The following ADAM22 variants were observed in gnomAD, a reference collection of about 807,000 sequenced individuals.
The protein encoded by ADAM22 is ADAM metallopeptidase domain 22.
ADAM22 carries 65 observed loss-of-function variants against 144.6 expected under a neutral mutation model. That is an observed-to-expected ratio of 0.45 (90% CI 0.37 to 0.55). ADAM22 has a LOEUF of 0.55. Among genes scored for constraint, ADAM22 ranks in the 20% least tolerant of loss-of-function variants. The probability of loss-of-function intolerance (pLI) is 0.00; values close to 1 mark genes in which losing one functional copy is unlikely to be tolerated. For missense variants in ADAM22, 974 were observed against 1,184.9 expected (o/e 0.82, Z 2.61); for synonymous variants, 391 against 412.6 (o/e 0.95, Z 0.63).
Position 88,132,965 on chromosome 7 carries a change from TC to T in ADAM22, c.1077+15del, listed in dbSNP as rs1206144563. ...GGCGTGAATGAAGTAGGTGTGAACA[TC>T]TGTACAATACAAAGTGGTATGATGG... On this transcript the variant is annotated intron_variant, in intron 12 of 31. Transcript: ENST00000413139. 2 of 1,611,938 alleles carry T rather than the reference TC, an allele frequency of 1.2e-6. No homozygotes were observed. Among genetic ancestry groups the T allele is most frequent in the Admixed American group, 3.3e-5 (2 of 59,998 alleles).
intron 2 of ADAM22, among the ~76,000 whole-genome samples, chr7:87,935,398 G>T (rs1022285544): frequency 6.6e-6 from 1 of 152,228 alleles, no homozygotes; most frequent in Admixed American, 6.5e-5. Context: ...GGCTTTGCCC[G>T]AGGGGAGTTT....
chr7:88,142,603 C>T (rs1168926074), intron 14 of ADAM22, among the ~76,000 whole-genome samples: 1 of 152,126 alleles, frequency 6.6e-6, no homozygotes, highest in Non-Finnish European at 1.5e-5. Context: ...CTTTGGGAGG[C>T]CGAGGCGGGC....
At chr7:87,941,872 A>C (rs933547241) in intron 2 of ADAM22, among the ~76,000 whole-genome samples, 1 of 152,342 alleles carries the variant, frequency 6.6e-6, no homozygotes, top group Middle Eastern at 3.4e-3. Context: ...GTTGATAAAA[A>C]ATGTTCCTAT....
chr7:87,963,270 T>C (rs969404560), intron 2 of ADAM22, among the ~76,000 whole-genome samples: 3 of 152,046 alleles, frequency 2.0e-5, no homozygotes, highest in Non-Finnish European at 4.4e-5. Context: ...CAGTCATGAG[T>C]CTTTGCCAGG....
In ADAM22 at chr7:88,196,620, G is replaced by A. The variant is rs780415754; in HGVS notation, c.*129G>A. The A allele has an allele frequency of 3.0e-5, 31 of 1,026,028 alleles. No individual in the cohort carries two copies. Among genetic ancestry groups the A allele is most frequent in the Non-Finnish European group, 4.3e-5 (29 of 672,164 alleles). 63.6% of individuals were successfully genotyped at this position (1,026,028 alleles called of 1,614,324 possible). ...CGAAGACCCTCTGAGATGCTACAGA[G>A]GAGAGGAAGCGGAGTTTCACATCTG... On this transcript the variant is annotated 3_prime_UTR_variant, in exon 32 of 32. Coordinates refer to ENST00000413139, the MANE Select transcript of ADAM22 (RefSeq NM_001324418.2).
chr7:88,007,604 A>G (rs1794261000), intron 3 of ADAM22, among the ~76,000 whole-genome samples: 1 of 152,214 alleles, frequency 6.6e-6, no homozygotes, highest in Non-Finnish European at 1.5e-5. Flanking sequence ...GCATATCTAC[A>G]ACTATCTGAT....
chr7:88,185,381 A>C lies in ADAM22; in HGVS notation c.2664-1234A>C, dbSNP rs530328446. Among the ~76,000 whole-genome samples the C allele has an allele frequency of 1.6e-3, 243 of 152,308 alleles. 1 individual carries two copies. Among genetic ancestry groups the C allele is most frequent in the Non-Finnish European group, 3.0e-3 (207 of 68,022 alleles). On this transcript the variant is annotated intron_variant, in intron 29 of 31. Coordinates refer to ENST00000413139, the MANE Select transcript of ADAM22 (RefSeq NM_001324418.2). ...AAAAATAACCTGATATTTTTATATA[A>C]TTGGAAATGTAGTCTTCCATGTTTA... is the stretch of plus-strand genomic sequence containing the variant.
chr7:88,163,695 A>G (rs1842296974), intron 23 of ADAM22, among the ~76,000 whole-genome samples: 1 of 152,108 alleles, frequency 6.6e-6, no homozygotes, highest in Admixed American at 6.6e-5. Context: ...GTAGAAAAAA[A>G]CGGCATTTGA....
At chr7:87,942,230 C>A (rs908110560) in intron 2 of ADAM22, among the ~76,000 whole-genome samples, 3 of 152,106 alleles carry the variant, frequency 2.0e-5, no homozygotes, top group African/African-American at 7.2e-5. Flanking sequence ...TTAATAGTGT[C>A]ACTATATATG....
chr7:88,151,206 T>C lies in ADAM22; in HGVS notation c.1618-51T>C, dbSNP rs191223946. 62 of 1,607,836 alleles carry C rather than the reference T, an allele frequency of 3.9e-5. No individual in the cohort carries two copies. In the East Asian group the frequency reaches 1.3e-3, roughly 34 times the overall value. On this transcript the variant is annotated intron_variant, in intron 19 of 31. Coordinates refer to ENST00000413139, the MANE Select transcript of ADAM22 (RefSeq NM_001324418.2). ...AATCATAGTTTCTTTTTCAGTTATC[T>C]GACATAAGCAGATATTGCATCGCTA...
chr7:88,131,542 A>G lies in ADAM22; in HGVS notation c.992+107A>G. 1.8e-6 allele frequency: 2 copies of G among 1,118,572 alleles called. 1 individual carries two copies. Among genetic ancestry groups the G allele is most frequent in the South Asian group, 3.1e-5 (2 of 63,908 alleles). 69.3% of individuals were successfully genotyped at this position (1,118,572 alleles called of 1,614,324 possible). ...CTACATAACACAATTAGGATTTGAC[A>G]TGGCAGATGGCAGATAGATTTGGAA... On this transcript the variant is annotated intron_variant, in intron 11 of 31. Transcript: ENST00000413139.
chr7:88,032,516 C>T (rs886289181), intron 3 of ADAM22, among the ~76,000 whole-genome samples: 1 of 152,120 alleles, frequency 6.6e-6, no homozygotes, highest in African/African-American at 2.4e-5. Context: ...GTGGAAAGGA[C>T]CTGCCTTGTC....
chr7:87,947,176 A>G (rs945825621), intron 2 of ADAM22, among the ~76,000 whole-genome samples: 1 of 152,150 alleles, frequency 6.6e-6, no homozygotes, highest in Non-Finnish European at 1.5e-5. Context: ...AATGTAACAA[A>G]CCTGCACATG....
At chr7:87,956,039 C>T (rs1846635225) in intron 2 of ADAM22, among the ~76,000 whole-genome samples, 1 of 152,180 alleles carries the variant, frequency 6.6e-6, no homozygotes, top group African/African-American at 2.4e-5. Flanking sequence ...TCACCCCTTT[C>T]CTTGACCAGG....
chr7:88,091,177 C>T (rs566088403), intron 4 of ADAM22, among the ~76,000 whole-genome samples: 2 of 152,190 alleles, frequency 1.3e-5, no homozygotes, highest in Admixed American at 6.5e-5. Flanking sequence ...AAATAACTGC[C>T]GCCAGTAATT....
chr7:88,179,194 C>T (rs1313021597), intron 27 of ADAM22, 65 bp downstream of exon 27: 8 of 650,640 alleles, frequency 1.2e-5, no homozygotes, highest in Non-Finnish European at 1.9e-5. Flanking sequence ...TTTGATTACT[C>T]TACTTCAAAA....
At chr7:88,140,459 T>C (rs1834277927) in intron 14 of ADAM22, among the ~76,000 whole-genome samples, 1 of 152,134 alleles carries the variant, frequency 6.6e-6, no homozygotes, top group African/African-American at 2.4e-5. Flanking sequence ...CCACAATGTG[T>C]GTAAGAAACT....
chr7:88,010,678 C>T (rs1314151448), intron 3 of ADAM22, among the ~76,000 whole-genome samples: 1 of 152,122 alleles, frequency 6.6e-6, no homozygotes, highest in Admixed American at 6.5e-5. Context: ...TTCCGTGTCT[C>T]TCCATGAGTC....
chr7:88,052,470 A>T (rs1279942664), intron 3 of ADAM22, among the ~76,000 whole-genome samples: 1 of 151,970 alleles, frequency 6.6e-6, no homozygotes, highest in Non-Finnish European at 1.5e-5. Context: ...ACTGCACTCC[A>T]TCCTGGGTGA....
Sources: allele counts gnomAD v4.1 joint callset (sites outside exome capture counted in the v4.1 genomes callset), GRCh38; gene constraint gnomAD v4.1.1; transcripts MANE v1.5; gene names NCBI Gene and HGNC (gene_info 2026-07-23, HGNC 2026-07-21).